SPATA7: variants seen among roughly 807,000 people sequenced by gnomAD.
SPATA7 encodes spermatogenesis associated 7, also known as spermatogenesis-associated protein 7.
A neutral mutation model predicts 51.8 loss-of-function variants in SPATA7; 43 were observed. The observed-to-expected ratio is 0.83, with a 90% CI of 0.65 to 1.07. The LOEUF (loss-of-function observed/expected upper bound fraction) is 1.07. Ranked by LOEUF, SPATA7 falls within the 50% of genes least tolerant of loss-of-function variation. The pLI is 0.00. For synonymous variants in SPATA7, 230 were observed against 252.8 expected (o/e 0.91, Z 0.86); for missense variants, 683 against 701.3 (o/e 0.97, Z 0.30).
chr14:88,421,439 G>A (rs1595255954), intron 5 of SPATA7, among the ~76,000 whole-genome samples: 2 of 152,200 alleles, frequency 1.3e-5, no homozygotes, highest in African/African-American at 4.8e-5. Context: ...TACCAAGGCT[G>A]TAATAATGAG....
chr14:88,422,230 A>C (rs1003299230), intron 5 of SPATA7, among the ~76,000 whole-genome samples: 1 of 152,138 alleles, frequency 6.6e-6, no homozygotes, highest in Admixed American at 6.5e-5. Flanking sequence ...GTCAGCAAAG[A>C]GGTCTGGGCT....
chr14:88,403,796 T>C (rs186462423), intron 4 of SPATA7, among the ~76,000 whole-genome samples: 2 of 152,304 alleles, frequency 1.3e-5, no homozygotes, highest in African/African-American at 4.8e-5. Context: ...TTTTAGTTAA[T>C]GCAAGTTGAG....
Position 88,391,338 on chromosome 14 carries a change from G to C in SPATA7, c.20-43G>C, listed in dbSNP as rs370164523. 2.7e-6 allele frequency: 4 copies of C among 1,455,514 alleles called. No individual in the cohort carries two copies. In the African/African-American group the frequency reaches 5.6e-5, roughly 20 times the overall value. The allele number at this position is 1,455,514 out of a possible 1,614,324, so 90.2% of individuals were successfully genotyped here. ...ATATTGTTGTTTTTGTAAAAGTTGT[G>C]TTTCATTTATCCTAATTTATGATTT... is the stretch of plus-strand genomic sequence containing the variant. On this transcript the variant is annotated intron_variant, in intron 1 of 11. Transcript: ENST00000393545.
chr14:88,418,471 GTTTGTT>G (rs2076546220), intron 5 of SPATA7, among the ~76,000 whole-genome samples: 1 of 151,902 alleles, frequency 6.6e-6, no homozygotes, highest in Admixed American at 6.6e-5. Flanking sequence ...CTTTTTGTTT[GTTTGTT>G]TTTGTTTTGT....
chr14:88,468,023 C>T (rs1302542755), intron 4 of SPATA7: 2 of 1,336,186 alleles, frequency 1.5e-6, no homozygotes, highest in African/African-American at 1.5e-5. Flanking sequence ...CACTTACGTC[C>T]CAGTGCCACG....
At chr14:88,452,767 A>G (rs1432794187) in intron 3 of SPATA7, among the ~76,000 whole-genome samples, 1 of 152,132 alleles carries the variant, frequency 6.6e-6, no homozygotes, top group African/African-American at 2.4e-5. Context: ...TCTTTAAAAC[A>G]CCTGTGAGAG....
At chr14:88,422,259 C>T (rs2076667082) in intron 5 of SPATA7, among the ~76,000 whole-genome samples, 1 of 151,954 alleles carries the variant, frequency 6.6e-6, no homozygotes, top group African/African-American at 2.4e-5. Flanking sequence ...ACTTGGGAGT[C>T]ATCAGGGGAA....
At chr14:88,393,300 T>C in intron 2 of SPATA7, 93 bp from the exon 3 acceptor site, 1 of 893,844 alleles carries the variant, frequency 1.1e-6, no homozygotes, top group Non-Finnish European at 1.7e-6. Context: ...TTTCAGAACA[T>C]TTTATAAGAA....
At chr14:88,436,106 TA>T (rs1477962728) in intron 10 of SPATA7, among the ~76,000 whole-genome samples, 1 of 152,152 alleles carries the variant, frequency 6.6e-6, no homozygotes, top group Non-Finnish European at 1.5e-5. Flanking sequence ...TAAGCCATTT[TA>T]ACTGGAGTGA....
chr14:88,438,452 G>C lies in SPATA7; in HGVS notation c.*30G>C. ...CATTAATAAATACCTCAAATGGCCA[G>C]TAACTCAATATTACTTTTCTTCCTT... On this transcript the variant is annotated 3_prime_UTR_variant, in exon 12 of 12. Coordinates refer to ENST00000393545, the MANE Select transcript of SPATA7 (RefSeq NM_018418.5). 1 of 1,472,184 alleles carries C rather than the reference G, an allele frequency of 6.8e-7. No individual in the cohort carries two copies. The highest frequency in any genetic ancestry group is 9.5e-7 in the Non-Finnish European group (1 of 1,053,984). 91.2% of individuals were successfully genotyped at this position (1,472,184 alleles called of 1,614,324 possible). A position where few individuals can be genotyped will look rare whatever the true frequency, so the allele number is the denominator to read the frequency against.
chr14:88,391,363 T>TC lies in SPATA7; in HGVS notation c.20-18_20-17insC, dbSNP rs760038568. ...GTTTCATTTATCCTAATTTATGATTTTTTTTTCTTGTTAAAAGTCAGAGCA... is the reference window on the plus strand; with the variant it reads ...GTTTCATTTATCCTAATTTATGATTTCTTTTTTCTTGTTAAAAGTCAGAGCA... On this transcript the variant is annotated splice_polypyrimidine_tract_variant and intron_variant, in intron 1 of 11. Coordinates refer to ENST00000393545, the MANE Select transcript of SPATA7 (RefSeq NM_018418.5). 4.4e-6 allele frequency: 7 copies of TC among 1,603,932 alleles called. No homozygotes were observed. In the African/African-American group the frequency reaches 8.0e-5, roughly 18 times the overall value.
At chr14:88,442,198 G>GTTTC (rs2077182708), downstream of SPATA7, among the ~76,000 whole-genome samples, 1 of 151,674 alleles carries the variant, frequency 6.6e-6, no homozygotes, top group Admixed American at 6.6e-5. Context: ...TTGTTTGTTT[G>GTTTC]TTTGTTTTTG....
chr14:88,431,551 C>CTT (rs947204888), intron 9 of SPATA7, among the ~76,000 whole-genome samples: 1 of 152,140 alleles, frequency 6.6e-6, no homozygotes, highest in African/African-American at 2.4e-5. Flanking sequence ...AACACTAGAA[C>CTT]TTACTCCTCC....
intron 3 of SPATA7, among the ~76,000 whole-genome samples, chr14:88,444,806 G>A (rs1444095587): frequency 6.6e-5 from 10 of 152,078 alleles, no homozygotes; most frequent in South Asian, 2.1e-4. Context: ...GATATGCGGC[G>A]TTATTTCTGA....
At chr14:88,410,112 G>C (rs2076299726) in intron 4 of SPATA7, among the ~76,000 whole-genome samples, 1 of 152,112 alleles carries the variant, frequency 6.6e-6, no homozygotes, top group Non-Finnish European at 1.5e-5. Context: ...AGGTCTGCTT[G>C]GTCCAGAACT....
At chr14:88,466,910 T>C (rs2077373083) in intron 4 of SPATA7, 1 of 152,210 alleles carries the variant, frequency 6.6e-6, no homozygotes, top group African/African-American at 2.4e-5. Flanking sequence ...AATACGCCTC[T>C]TTAAGGCTTC....
chr14:88,460,467 A>G (rs1447478701), intron 4 of SPATA7, among the ~76,000 whole-genome samples: 6 of 152,050 alleles, frequency 3.9e-5, no homozygotes, highest in Non-Finnish European at 7.4e-5. Flanking sequence ...TTTGATCTTC[A>G]ATCACTGATA....
intron 4 of SPATA7, among the ~76,000 whole-genome samples, chr14:88,405,444 A>G (rs1006114480): frequency 6.6e-6 from 1 of 152,242 alleles, no homozygotes; most frequent in Non-Finnish European, 1.5e-5. Context: ...AGAAGACAGT[A>G]AATAATCCAG....
intron 5 of SPATA7, among the ~76,000 whole-genome samples, chr14:88,423,391 AT>A (rs149894238): frequency 3.3e-5 from 5 of 149,504 alleles, no homozygotes; most frequent in East Asian, 3.9e-4. Flanking sequence ...AAAAAAAAAA[AT>A]ACAAGAAAAA....
Sources: gnomAD v4.1 joint callset for allele counts (sites outside exome capture counted in the v4.1 genomes callset) on GRCh38, gnomAD v4.1.1 for gene constraint, MANE v1.5 for transcripts, NCBI Gene and HGNC (gene_info 2026-07-23, HGNC 2026-07-21) for gene names.